The following SGCD variants were observed in gnomAD, a reference collection of about 807,000 sequenced individuals.
SGCD encodes sarcoglycan delta.
Under a neutral mutation model 36.6 loss-of-function variants are expected in SGCD, and 18 were observed. That is an observed-to-expected ratio of 0.49 (90% CI 0.34 to 0.73). SGCD has a LOEUF of 0.73. Among genes scored for constraint, SGCD ranks in the 30% least tolerant of loss-of-function variants. SGCD has a pLI of 0.01. For missense variants in SGCD, 387 were observed against 346.7 expected, an observed-to-expected ratio of 1.12 and a Z score of -0.92; for synonymous variants, 133 against 130.6, an observed-to-expected ratio of 1.02 and a Z score of -0.12.
chr5:156,033,605 T>C (rs187588779), intron 1 of SGCD, among the ~76,000 whole-genome samples: 16 of 152,304 alleles, frequency 1.1e-4, no homozygotes, highest in African/African-American at 3.6e-4. Flanking sequence ...GTAATAAAAG[T>C]CATCCAGTTA....
At chr5:155,833,294 G>A in the SGCD span, among the ~76,000 whole-genome samples, 21 of 152,020 alleles carry the variant, frequency 1.4e-4, no homozygotes, top group South Asian at 1.2e-3. Context: ...ACTGTGCAGT[G>A]CTTATTTCTA....
intron 6 of SGCD, among the ~76,000 whole-genome samples, chr5:156,605,342 T>C (rs908652387): frequency 1.3e-5 from 2 of 152,162 alleles, no homozygotes; most frequent in Non-Finnish European, 1.5e-5. Context: ...AGAATGATGG[T>C]TTCCAGCTTC....
intron 3 of SGCD, among the ~76,000 whole-genome samples, chr5:156,452,340 T>G (rs578040349): frequency 6.6e-6 from 1 of 152,304 alleles, no homozygotes; most frequent in African/African-American, 2.4e-5. Context: ...TTTTCCCACA[T>G]TTTTCTTTGG....
intron 3 of SGCD, among the ~76,000 whole-genome samples, chr5:156,178,566 A>C (rs2127625643): frequency 6.6e-6 from 1 of 152,342 alleles, no homozygotes; most frequent in Non-Finnish European, 1.5e-5. Flanking sequence ...TTTATCTTAT[A>C]GACAAATGAT....
At chr5:156,068,053 C>A (rs1323853882) in intron 1 of SGCD, among the ~76,000 whole-genome samples, 1 of 151,700 alleles carries the variant, frequency 6.6e-6, no homozygotes, top group Non-Finnish European at 1.5e-5. Flanking sequence ...ACTGTTCAAC[C>A]TTCCTCTCTA....
chr5:156,699,304 G>A (rs73302840), intron 7 of SGCD, among the ~76,000 whole-genome samples: 2,378 of 152,224 alleles, frequency 0.016, 62 homozygotes, highest in African/African-American at 0.055. Context: ...CTGAGGTCCT[G>A]TCTGTGCCTC....
At chr5:156,557,456 A>G (rs1291748878) in intron 4 of SGCD, among the ~76,000 whole-genome samples, 1 of 152,206 alleles carries the variant, frequency 6.6e-6, no homozygotes, top group African/African-American at 2.4e-5. Flanking sequence ...TTTTCATACT[A>G]GAATAGGAGT....
intron 3 of SGCD, among the ~76,000 whole-genome samples, chr5:156,230,225 G>A (rs1764981411): frequency 6.6e-6 from 1 of 152,164 alleles, no homozygotes; most frequent in Non-Finnish European, 1.5e-5. Context: ...TGGTGAGCTA[G>A]TGGTGATTTT....
At chr5:155,848,624 C>A in the SGCD span, among the ~76,000 whole-genome samples, 1 of 152,098 alleles carries the variant, frequency 6.6e-6, no homozygotes, top group Non-Finnish European at 1.5e-5. Context: ...TGTTACAGAT[C>A]TTTGTATTAA....
intron 3 of SGCD, among the ~76,000 whole-genome samples, chr5:156,360,772 C>A (rs1769746930): frequency 6.6e-6 from 1 of 152,116 alleles, no homozygotes; most frequent in Non-Finnish European, 1.5e-5. Context: ...TTCCCATCCC[C>A]TCTCCAGCTC....
chr5:156,732,208 T>C (rs951987422), intron 7 of SGCD, among the ~76,000 whole-genome samples: 5 of 152,178 alleles, frequency 3.3e-5, no homozygotes, highest in Non-Finnish European at 7.4e-5. Flanking sequence ...GAAGGCATCC[T>C]TGTCTTGTAC....
At chr5:155,776,823 C>T in the SGCD span, among the ~76,000 whole-genome samples, 1 of 152,050 alleles carries the variant, frequency 6.6e-6, no homozygotes, top group Non-Finnish European at 1.5e-5. Flanking sequence ...TTAGTATAGT[C>T]AGTTATACTA....
At chr5:155,968,282 G>T (rs1008370974) in intron 1 of SGCD, among the ~76,000 whole-genome samples, 7 of 152,108 alleles carry the variant, frequency 4.6e-5, no homozygotes, top group Non-Finnish European at 1.0e-4. Context: ...TAGGAAATTT[G>T]CTGAAGTTAC....
At chr5:155,774,307 G>C in the SGCD span, among the ~76,000 whole-genome samples, 2 of 152,076 alleles carry the variant, frequency 1.3e-5, no homozygotes, top group African/African-American at 4.8e-5. Flanking sequence ...TTGGAGCTCT[G>C]CCGGGGTACT....
At chr5:155,897,392 A>G (rs1172048512) in intron 1 of SGCD, among the ~76,000 whole-genome samples, 1 of 152,206 alleles carries the variant, frequency 6.6e-6, no homozygotes, top group Non-Finnish European at 1.5e-5. Context: ...GTGCTGAGTG[A>G]ATGTGAAGGC....
chr5:156,156,215 GAA>G (rs894644387), intron 3 of SGCD, among the ~76,000 whole-genome samples: 4 of 151,600 alleles, frequency 2.6e-5, no homozygotes, highest in Admixed American at 2.6e-4. Flanking sequence ...AAGGCCAAGA[GAA>G]GAGAGAGCAT....
Position 156,135,496 on chromosome 5 carries a change from C to T in SGCD, c.-44+11477C>T, listed in dbSNP as rs568328647. Among the ~76,000 whole-genome samples, 53 of 152,308 alleles carry T rather than the reference C, an allele frequency of 3.5e-4. No homozygotes were observed. In the Middle Eastern group the frequency reaches 0.014, roughly 39 times the overall value. ...CTCAGGAGCTGTAGAATCCTTCCAA[C>T]ACATCACTCCAGACAGTACTTGATA... On this transcript the variant is annotated intron_variant, in intron 3 of 9. Coordinates refer to the SGCD transcript ENST00000517913.
intron 4 of SGCD, among the ~76,000 whole-genome samples, chr5:156,539,167 G>T (rs1277072330): frequency 1.3e-5 from 2 of 151,958 alleles, no homozygotes; most frequent in African/African-American, 2.4e-5. Flanking sequence ...GAAGGAAGGG[G>T]TGTGTCTGGA....
intron 3 of SGCD, among the ~76,000 whole-genome samples, chr5:156,397,818 A>G (rs530586864): frequency 2.6e-5 from 4 of 152,160 alleles, no homozygotes; most frequent in Non-Finnish European, 5.9e-5. Flanking sequence ...GGGTAAAATG[A>G]TTTTTGACAG....
Sources: gnomAD v4.1 joint callset for allele counts (sites outside exome capture counted in the v4.1 genomes callset) on GRCh38, gnomAD v4.1.1 for gene constraint, MANE v1.5 for transcripts, NCBI Gene and HGNC (gene_info 2026-07-23, HGNC 2026-07-21) for gene names.